PSPC1: variants seen among roughly 807,000 people sequenced by gnomAD.
PSPC1 encodes paraspeckle protein 1.
Under a neutral mutation model 51.6 loss-of-function variants are expected in PSPC1, and 14 were observed. The observed-to-expected ratio is 0.27, with a 90% CI of 0.18 to 0.42. The LOEUF (loss-of-function observed/expected upper bound fraction) is 0.42, where lower values mean the gene tolerates loss of function less well. Among genes scored for constraint, PSPC1 ranks in the 10% least tolerant of loss-of-function variants. The probability of loss-of-function intolerance (pLI) is 1.00; values close to 1 mark genes in which losing one functional copy is unlikely to be tolerated. For synonymous variants in PSPC1, 193 were observed against 231.9 expected, an observed-to-expected ratio of 0.83 and a Z score of 1.53; for missense variants, 406 against 701.1, an observed-to-expected ratio of 0.58 and a Z score of 4.75.
At chr13:19,766,309 G>T (rs745384483) in intron 2 of PSPC1, among the ~76,000 whole-genome samples, 2 of 152,138 alleles carry the variant, frequency 1.3e-5, no homozygotes, top group Non-Finnish European at 2.9e-5. Flanking sequence ...AGAGGCAGAG[G>T]TTGCAGTGAG....
At chr13:19,711,864 C>A (rs902403561) in intron 6 of PSPC1, among the ~76,000 whole-genome samples, 2 of 151,316 alleles carry the variant, frequency 1.3e-5, no homozygotes, top group African/African-American at 4.8e-5. Context: ...AAAAGCTAGA[C>A]TGTAATATAA....
chr13:19,734,562 G>C (rs1050319985), intron 5 of PSPC1, among the ~76,000 whole-genome samples: 1 of 152,210 alleles, frequency 6.6e-6, no homozygotes, highest in Non-Finnish European at 1.5e-5. Flanking sequence ...AGCACTTTGG[G>C]AGGCCAAGGC....
intron 7 of PSPC1, among the ~76,000 whole-genome samples, chr13:19,676,041 A>G (rs564963392): frequency 1.3e-5 from 2 of 152,284 alleles, no homozygotes; most frequent in East Asian, 3.9e-4. Flanking sequence ...TAAAATCCTA[A>G]AGTTCCAATG....
At chr13:19,702,222 A>G (rs548692240), downstream of PSPC1, among the ~76,000 whole-genome samples, 2 of 152,302 alleles carry the variant, frequency 1.3e-5, no homozygotes, top group Admixed American at 1.3e-4. Context: ...AAATGTCCAA[A>G]TTTTAGGGAA....
chr13:19,761,222 G>T (rs1887580445), intron 2 of PSPC1, among the ~76,000 whole-genome samples: 6 of 152,114 alleles, frequency 3.9e-5, no homozygotes, highest in Admixed American at 3.9e-4. Flanking sequence ...GACATTCAAG[G>T]AGAAAAGCTG....
intron 8 of PSPC1, among the ~76,000 whole-genome samples, 197 bp downstream of exon 8, chr13:19,705,465 C>A (rs1218506995): frequency 1.3e-5 from 2 of 151,536 alleles, no homozygotes. Context: ...GCACACCAGC[C>A]TCGGCAATAG....
intron 2 of PSPC1, among the ~76,000 whole-genome samples, chr13:19,763,934 T>C (rs1332280445): frequency 6.6e-6 from 1 of 151,778 alleles, no homozygotes; most frequent in Non-Finnish European, 1.5e-5. Flanking sequence ...ATCCAGGAGG[T>C]GGAAGTTGCA....
At chr13:19,761,114 T>C (rs962428946) in intron 2 of PSPC1, among the ~76,000 whole-genome samples, 6 of 152,046 alleles carry the variant, frequency 3.9e-5, no homozygotes, top group Non-Finnish European at 8.8e-5. Context: ...CACTGCACTC[T>C]AACCTGGGCA....
chr13:19,683,940 G>T (rs1199573353), intron 6 of PSPC1, among the ~76,000 whole-genome samples: 3 of 152,088 alleles, frequency 2.0e-5, no homozygotes, highest in Non-Finnish European at 4.4e-5. Context: ...ACAATATGAT[G>T]ACTTTATCAA....
At chr13:19,713,954 A>C (rs554525291) in intron 6 of PSPC1, among the ~76,000 whole-genome samples, 1 of 152,350 alleles carries the variant, frequency 6.6e-6, no homozygotes, top group South Asian at 2.1e-4. Flanking sequence ...AGTAATGGCT[A>C]GGAAAAGTCC....
chr13:19,733,790 T>A (rs61950563), intron 5 of PSPC1, among the ~76,000 whole-genome samples: 8,406 of 79,912 alleles, frequency 0.11, 317 homozygotes, highest in South Asian at 0.3. Context: ...AAAAAAAATA[T>A]ATATATATAT....
At chr13:19,727,321 G>GCTA (rs1883471379) in intron 6 of PSPC1, among the ~76,000 whole-genome samples, 3 of 152,102 alleles carry the variant, frequency 2.0e-5, no homozygotes, top group Non-Finnish European at 4.4e-5. Context: ...TTGAACCCAG[G>GCTA]AGGCAGAGGT....
In PSPC1 at chr13:19,703,194, T is replaced by C. The variant is rs745410363; in HGVS notation, c.1553A>G (p.Asn518Ser). ...GAATGTTTAATATCTACGACGCTTA[T>C]TAGGGCCTTCAAAGTTGCCCCCTTG... The part of the protein sequence containing the change: ...GSQGGNFEGP[N>S]KRRRY The change falls in exon 9 of 9, where the codon AAT becomes AGT. Residue 518 changes from asparagine to serine, a missense_variant. Physicochemically the swap from Asn to Ser is conservative, Grantham distance 46. Around this residue, in one of 5 missense-constraint regions of PSPC1, gnomAD observed 34 missense variants for 158.6 expected, o/e 0.21. Coordinates refer to ENST00000338910, the MANE Select transcript of PSPC1 (RefSeq NM_001354909.2). The C allele has an allele frequency of 1.2e-5, 19 of 1,614,028 alleles. No homozygotes were observed. Among genetic ancestry groups the C allele is most frequent in the East Asian group, 2.2e-5 (1 of 44,898 alleles).
intron 6 of PSPC1, among the ~76,000 whole-genome samples, chr13:19,679,898 C>T (rs1047126842): frequency 6.6e-6 from 1 of 152,194 alleles, no homozygotes; most frequent in Non-Finnish European, 1.5e-5. Context: ...TTTAAGCATT[C>T]TCAGCTTCTC....
chr13:19,752,165 ATGTGCCAATTAAT>A (rs1313259625), intron 3 of PSPC1, among the ~76,000 whole-genome samples: 1 of 152,220 alleles, frequency 6.6e-6, no homozygotes, highest in Non-Finnish European at 1.5e-5. Context: ...ACTGAGCGTT[ATGTGCCAATTAAT>A]TGGGTAGGCC....
intron 6 of PSPC1, among the ~76,000 whole-genome samples, chr13:19,727,697 T>C (rs1883522842): frequency 6.6e-6 from 1 of 152,204 alleles, no homozygotes; most frequent in Non-Finnish European, 1.5e-5. Context: ...AATCTACAGT[T>C]GGTGGAGTAA....
chr13:19,744,432 T>C (rs961865046), intron 4 of PSPC1, among the ~76,000 whole-genome samples: 7 of 152,204 alleles, frequency 4.6e-5, no homozygotes, highest in African/African-American at 1.4e-4. Flanking sequence ...CTAAATTATA[T>C]ATTTTTTAAA....
chr13:19,755,759 A>G (rs1268793946), intron 3 of PSPC1, among the ~76,000 whole-genome samples: 1 of 152,006 alleles, frequency 6.6e-6, no homozygotes, highest in Non-Finnish European at 1.5e-5. Context: ...GATCTTCCCA[A>G]TCTCTACACA....
Position 19,730,326 on chromosome 13 carries a change from C to T in PSPC1, c.1071G>A (p.Arg357=). The T allele has an allele frequency of 6.2e-7, 1 of 1,613,994 alleles. No individual in the cohort carries two copies. The highest frequency in any genetic ancestry group is 1.1e-5 in the South Asian group (1 of 91,050). ...QIQLRHEEEH[R]RREEEMIRHR... The stretch of plus-strand genomic sequence containing the variant: ...GTCGGATCATTTCTTCCTCACGCCG[C>T]CGATGCTCCTCTTCATGTCTGAAAA... The change falls in exon 6 of 9, where the codon CGG becomes CGA. Residue 357 remains arginine, a synonymous_variant. Transcript: ENST00000338910.
Sources: allele counts gnomAD v4.1 joint callset (sites outside exome capture counted in the v4.1 genomes callset), GRCh38; gene constraint gnomAD v4.1.1; regional missense constraint gnomAD v4.1.1; transcripts MANE v1.5; gene names NCBI Gene and HGNC (gene_info 2026-07-23, HGNC 2026-07-21).